CPEB4: variants seen among roughly 807,000 people sequenced by gnomAD.
CPEB4 encodes cytoplasmic polyadenylation element binding protein 4.
CPEB4 carries 12 observed loss-of-function variants against 72.5 expected under a neutral mutation model. That is an observed-to-expected ratio of 0.17 (90% CI 0.11 to 0.27). The LOEUF (loss-of-function observed/expected upper bound fraction) is 0.27. Ranked by LOEUF, CPEB4 falls within the 10% of genes least tolerant of loss-of-function variation. CPEB4 has a pLI of 1.00. For missense variants in CPEB4, 614 were observed against 908.5 expected, an observed-to-expected ratio of 0.68 and a Z score of 4.17; for synonymous variants, 302 against 326.3, an observed-to-expected ratio of 0.93 and a Z score of 0.80.
intron 2 of CPEB4, among the ~76,000 whole-genome samples, chr5:173,922,594 C>G (rs1757110833): frequency 6.6e-6 from 1 of 152,178 alleles, no homozygotes; most frequent in Non-Finnish European, 1.5e-5. Context: ...TTATCATAAT[C>G]TATGAAAGAT....
At chr5:173,935,786 AGTC>A (rs1581153281) in intron 3 of CPEB4, among the ~76,000 whole-genome samples, 1 of 151,382 alleles carries the variant, frequency 6.6e-6, no homozygotes, top group African/African-American at 2.4e-5. Context: ...AAAAGAAAAA[AGTC>A]AGAGTCACCA....
intron 3 of CPEB4, among the ~76,000 whole-genome samples, chr5:173,934,360 C>G (rs1757547294): frequency 6.6e-6 from 1 of 152,000 alleles, no homozygotes; most frequent in Non-Finnish European, 1.5e-5. Flanking sequence ...TAAGAGAAGA[C>G]TAGATAGTTT....
At chr5:173,909,370 G>A (rs1346982686) in intron 1 of CPEB4, among the ~76,000 whole-genome samples, 6 of 152,086 alleles carry the variant, frequency 3.9e-5, no homozygotes, top group African/African-American at 9.7e-5. Context: ...CTAATAACAC[G>A]TTGCATTGGG....
intron 7 of CPEB4, 54 bp from the exon 8 acceptor site, chr5:173,951,770 G>T: frequency 1.1e-6 from 1 of 948,684 alleles, no homozygotes. Context: ...TAACTTTTTT[G>T]CCCATGAATT....
chr5:173,890,385 T>A lies in CPEB4; in HGVS notation c.652T>A (p.Phe218Ile). The A allele has an allele frequency of 6.2e-7, 1 of 1,614,124 alleles. No individual in the cohort carries two copies. The highest frequency in any genetic ancestry group is 1.7e-5 in the Admixed American group (1 of 60,024). The change falls in exon 1 of 10, where the codon TTT becomes ATT. Residue 218 changes from phenylalanine to isoleucine, a missense_variant. Physicochemically the swap from Phe to Ile is conservative, Grantham distance 21. This residue lies in a region of CPEB4 where 458 missense variants were observed against 548.6 expected (regional missense o/e 0.83). Transcript: ENST00000265085. ...TTTCCCCCATCATGTCAGCCCTGGC[T>A]TTGGAGGCAGCTTCTCTCCTCAGAT... ...QNFPHHVSPG[F>I]GGSFSPQIGP...
chr5:173,954,915 C>T (rs566591625), intron 9 of CPEB4, among the ~76,000 whole-genome samples: 1 of 152,004 alleles, frequency 6.6e-6, no homozygotes, highest in Non-Finnish European at 1.5e-5. Context: ...TCTTCTTCTC[C>T]TTTTGTACTT....
chr5:173,931,837 G>A (rs1466410136), intron 2 of CPEB4, among the ~76,000 whole-genome samples: 1 of 152,140 alleles, frequency 6.6e-6, no homozygotes, highest in African/African-American at 2.4e-5. Context: ...TTTTTGAGGG[G>A]TATCTTGGGT....
At chr5:173,951,165 C>T (rs867693226) in intron 7 of CPEB4, among the ~76,000 whole-genome samples, 4 of 152,252 alleles carry the variant, frequency 2.6e-5, no homozygotes, top group Middle Eastern at 3.4e-3. Context: ...ACCTAGGACT[C>T]TGTTGGTGTG....
At chr5:173,919,192 A>G (rs1756989103) in intron 2 of CPEB4, among the ~76,000 whole-genome samples, 1 of 152,208 alleles carries the variant, frequency 6.6e-6, no homozygotes, top group African/African-American at 2.4e-5. Flanking sequence ...ACAAGCAACA[A>G]TCAGGTAACA....
At chr5:173,926,993 C>A (rs547244552) in intron 2 of CPEB4, among the ~76,000 whole-genome samples, 1 of 151,660 alleles carries the variant, frequency 6.6e-6, no homozygotes, top group African/African-American at 2.4e-5. Context: ...TACAAAAATA[C>A]AAAAAAAATT....
intron 1 of CPEB4, among the ~76,000 whole-genome samples, chr5:173,893,599 T>G (rs138734985): frequency 2.7e-4 from 41 of 152,332 alleles, no homozygotes; most frequent in African/African-American, 8.7e-4. Context: ...AAAGAATTCC[T>G]TAGGCGTGAT....
chr5:173,953,404 T>C (rs1758274515), intron 9 of CPEB4, 132 bp downstream of exon 9: 1 of 585,304 alleles, frequency 1.7e-6, no homozygotes, highest in African/African-American at 1.9e-5. Flanking sequence ...TTAATTATGG[T>C]CTATAATACA....
chr5:173,917,960 G>C (rs1278698252), intron 2 of CPEB4, among the ~76,000 whole-genome samples: 1 of 152,194 alleles, frequency 6.6e-6, no homozygotes, highest in Non-Finnish European at 1.5e-5. Context: ...GCTCGGTTTG[G>C]ATGATACCAA....
intron 2 of CPEB4, among the ~76,000 whole-genome samples, chr5:173,927,531 A>G (rs1301784329): frequency 6.6e-6 from 1 of 152,162 alleles, no homozygotes; most frequent in Non-Finnish European, 1.5e-5. Flanking sequence ...TAATCCCAGC[A>G]CTTCGGGAGG....
Position 173,945,457 on chromosome 5 carries a change from G to A in CPEB4, c.1456+317G>A, listed in dbSNP as rs529419373. Among the ~76,000 whole-genome samples, 22 of 151,164 alleles carry A rather than the reference G, an allele frequency of 1.5e-4. 1 individual carries two copies. The highest frequency in any genetic ancestry group is 4.1e-4 in the African/African-American group (17 of 41,510). On this transcript the variant is annotated intron_variant, in intron 5 of 9. Coordinates refer to ENST00000265085, the MANE Select transcript of CPEB4 (RefSeq NM_030627.4). ...GTTTTTGTCTGTGTGTGCTACTTTG[G>A]ACAAATTCATTGATGTATTTTCCTT...
intron 1 of CPEB4, among the ~76,000 whole-genome samples, chr5:173,894,482 G>A (rs539596252): frequency 2.6e-5 from 4 of 151,718 alleles, no homozygotes; most frequent in African/African-American, 4.8e-5. Flanking sequence ...TTAGCTGGGC[G>A]TGGTGGTGGG....
chr5:173,955,476 C>G lies in CPEB4; in HGVS notation c.1963-434C>G, dbSNP rs1758350900. Among the ~76,000 whole-genome samples, 1 of 152,068 alleles carries G rather than the reference C, an allele frequency of 6.6e-6. No homozygotes were observed. The highest frequency in any genetic ancestry group is 1.5e-5 in the Non-Finnish European group (1 of 68,018). On this transcript the variant is annotated intron_variant, in intron 9 of 9. Coordinates refer to ENST00000265085, the MANE Select transcript of CPEB4 (RefSeq NM_030627.4). This position sits in a 1 kb window ranked among gnomAD's most constrained non-coding sequence, Gnocchi z 4.7. ...CAGTAGTCAGGCATCTTCACACCAA[C>G]TTGAATATTGAAGTGCAGTTGTGTG...
intron 2 of CPEB4, among the ~76,000 whole-genome samples, chr5:173,912,733 A>G (rs1038727869): frequency 2.6e-5 from 4 of 151,170 alleles, no homozygotes; most frequent in African/African-American, 7.3e-5. Context: ...CAGGAGTTCA[A>G]GACCAGTCTG....
At chr5:173,939,014 G>A (rs183980415) in intron 3 of CPEB4, among the ~76,000 whole-genome samples, 1 of 152,242 alleles carries the variant, frequency 6.6e-6, no homozygotes, top group East Asian at 1.9e-4. Flanking sequence ...ATGGCCAGGC[G>A]CAATGGCTCA....
Sources: gnomAD v4.1 joint callset for allele counts (sites outside exome capture counted in the v4.1 genomes callset) on GRCh38, gnomAD v4.1.1 for gene constraint, gnomAD v4.1.1 regional missense constraint, Gnocchi (gnomAD v3.1) non-coding constraint, MANE v1.5 for transcripts, NCBI Gene and HGNC (gene_info 2026-07-23, HGNC 2026-07-21) for gene names.